DENND4A: variants seen among roughly 807,000 people sequenced by gnomAD.
The protein encoded by DENND4A is C-myc promoter-binding protein.
In DENND4A, 70 loss-of-function variants were observed where a neutral mutation model predicts 199.3. The observed-to-expected ratio is 0.35, with a 90% CI of 0.29 to 0.43. DENND4A has a LOEUF of 0.43. Among genes scored for constraint, DENND4A ranks in the 20% least tolerant of loss-of-function variants. The pLI, the probability that DENND4A is intolerant of heterozygous loss-of-function variation, is 1.00. For missense variants in DENND4A, 1,723 were observed against 2,255.8 expected (o/e 0.76, Z 4.78); for synonymous variants, 686 against 766.9 (o/e 0.89, Z 1.74).
chr15:65,722,294 GT>G, intron 12 of DENND4A, among the ~76,000 whole-genome samples: 1 of 152,256 alleles, frequency 6.6e-6, no homozygotes, highest in Non-Finnish European at 1.5e-5. Context: ...GTAAGACCCT[GT>G]CTCTGTAACA....
intron 11 of DENND4A, among the ~76,000 whole-genome samples, chr15:65,725,698 T>TA (rs1425885124): frequency 7.1e-6 from 1 of 140,678 alleles, no homozygotes; most frequent in African/African-American, 2.8e-5. Flanking sequence ...ATAAAAAAAA[T>TA]AAAAAAAAGA....
chr15:65,705,016 A>G (rs897071541), intron 15 of DENND4A, among the ~76,000 whole-genome samples: 6 of 152,238 alleles, frequency 3.9e-5, no homozygotes, highest in African/African-American at 1.4e-4. Context: ...ATAAAGTACA[A>G]AAGAGATTAA....
chr15:65,736,557 C>G (rs1468838431), intron 7 of DENND4A, among the ~76,000 whole-genome samples: 3 of 152,076 alleles, frequency 2.0e-5, no homozygotes, highest in Non-Finnish European at 4.4e-5. Context: ...TGAGCCACCA[C>G]ACCTGCCCAG....
intron 15 of DENND4A, among the ~76,000 whole-genome samples, 198 bp from the exon 16 acceptor site, chr15:65,703,206 T>C (rs1027854466): frequency 1.3e-5 from 2 of 152,202 alleles, no homozygotes; most frequent in African/African-American, 2.4e-5. Context: ...AGAAATGTAA[T>C]AGCCAAATTC....
intron 14 of DENND4A, among the ~76,000 whole-genome samples, chr15:65,710,805 G>A (rs1348192751): frequency 2.0e-5 from 3 of 152,232 alleles, no homozygotes; most frequent in Non-Finnish European, 4.4e-5. Context: ...GCTTGGTTCT[G>A]TCTTTGTGGT....
chr15:65,739,208 T>C (rs1407904784), intron 5 of DENND4A, among the ~76,000 whole-genome samples: 1 of 152,226 alleles, frequency 6.6e-6, no homozygotes, highest in East Asian at 1.9e-4. Flanking sequence ...TACTAAGTTT[T>C]TGAAATTTTC....
At chr15:65,662,228 C>G (rs1186696550) in intron 32 of DENND4A, among the ~76,000 whole-genome samples, 1 of 152,154 alleles carries the variant, frequency 6.6e-6, no homozygotes, top group Non-Finnish European at 1.5e-5. Context: ...ACCACACACA[C>G]TTTTTTGGTA....
At chr15:65,668,346 C>T (rs1482086027) in intron 27 of DENND4A, among the ~76,000 whole-genome samples, 2 of 151,908 alleles carry the variant, frequency 1.3e-5, no homozygotes, top group South Asian at 2.1e-4. Context: ...GTGGCTGGGA[C>T]TACGGGCACA....
At chr15:65,713,368 G>A (rs912615724) in intron 14 of DENND4A, among the ~76,000 whole-genome samples, 1 of 152,184 alleles carries the variant, frequency 6.6e-6, no homozygotes, top group African/African-American at 2.4e-5. Flanking sequence ...GAATATTACA[G>A]AATTGATGTT....
intron 7 of DENND4A, among the ~76,000 whole-genome samples, chr15:65,735,386 AAAAC>A (rs2076085623): frequency 6.6e-6 from 1 of 152,166 alleles, no homozygotes; most frequent in Non-Finnish European, 1.5e-5. Context: ...TCAAAAAACG[AAAAC>A]AAAAAGAAAA....
intron 15 of DENND4A, among the ~76,000 whole-genome samples, chr15:65,704,461 C>T (rs191964306): frequency 6.6e-6 from 1 of 152,330 alleles, no homozygotes; most frequent in Non-Finnish European, 1.5e-5. Context: ...CAGTCTCAAC[C>T]TCCCAGGCTC....
chr15:65,731,759 T>G (rs2075967407), intron 8 of DENND4A, 59 bp from the exon 9 acceptor site: 1 of 1,190,388 alleles, frequency 8.4e-7, no homozygotes, highest in Non-Finnish European at 1.2e-6. Context: ...AAAACACCAC[T>G]TTCTGTTAAA....
At chr15:65,706,752 C>T (rs1347051637) in intron 14 of DENND4A, among the ~76,000 whole-genome samples, 1 of 152,126 alleles carries the variant, frequency 6.6e-6, no homozygotes, top group Non-Finnish European at 1.5e-5. Context: ...CCTTGGCCTC[C>T]CAAAGTGCTG....
intron 7 of DENND4A, 70 bp from the exon 8 acceptor site, chr15:65,732,888 C>T (rs889559918): frequency 3.3e-6 from 3 of 920,760 alleles, no homozygotes; most frequent in Non-Finnish European, 5.1e-6. Context: ...AACATGTCAT[C>T]ACAAGTCCAA....
chr15:65,779,001 T>C (rs1364734709), intron 1 of DENND4A, among the ~76,000 whole-genome samples: 4 of 151,656 alleles, frequency 2.6e-5, no homozygotes, highest in Non-Finnish European at 4.4e-5. Context: ...AGGTGGTGCA[T>C]GCCTACAGTT....
Position 65,696,481 on chromosome 15 carries a change from A to C in DENND4A, c.2967T>G (p.Ser989Arg). ...GAAGGCAATCAGCACTTCCTTTTGT[A>C]CTCTCACTCTCTGACACTGTAAAGA... ...SDCSSLSESE[S>R]TKGSADCLPK... The change falls in exon 22 of 33, where the codon AGT becomes AGG. Residue 989 changes from serine (S) to arginine (R), a missense_variant. Physicochemically the swap from Ser to Arg is moderately radical, Grantham distance 110 (BLOSUM62 -1). Transcript: ENST00000443035. 6.2e-7 allele frequency: 1 copy of C among 1,611,596 alleles called. No individual in the cohort carries two copies. Among genetic ancestry groups the C allele is most frequent in the Non-Finnish European group, 8.5e-7 (1 of 1,178,304 alleles).
intron 30 of DENND4A, 125 bp from the exon 31 acceptor site, chr15:65,664,847 G>GA (rs2075983998): frequency 2.5e-6 from 2 of 807,614 alleles, no homozygotes; most frequent in Non-Finnish European, 3.7e-6. Flanking sequence ...AATAGATAAA[G>GA]AAATAGGAAT....
intron 1 of DENND4A, chr15:65,772,066 T>C (rs1017528154): frequency 8.0e-6 from 10 of 1,256,318 alleles, no homozygotes; most frequent in South Asian, 2.4e-5. Flanking sequence ...CGCTGGGCCT[T>C]CTCGCGGTTG....
intron 14 of DENND4A, among the ~76,000 whole-genome samples, chr15:65,708,746 T>G (rs2075142633): frequency 6.6e-6 from 1 of 152,202 alleles, no homozygotes; most frequent in South Asian, 2.1e-4. Context: ...AAAGGGATTC[T>G]TGGGAAACCA....
Sources: allele counts gnomAD v4.1 joint callset (sites outside exome capture counted in the v4.1 genomes callset), GRCh38; gene constraint gnomAD v4.1.1; transcripts MANE v1.5; gene names NCBI Gene and HGNC (gene_info 2026-07-23, HGNC 2026-07-21).